Variants in PKIB observed in about 807,000 individuals in gnomAD.
PKIB encodes PKI-beta.
In PKIB, 2 loss-of-function variants were observed where a neutral mutation model predicts 4.5. The ratio of observed to expected loss-of-function variants is 0.44; its 90% CI spans 0.18 to 1.39. The LOEUF (loss-of-function observed/expected upper bound fraction) is 1.39, where lower values mean the gene tolerates loss of function less well. Ranked by LOEUF, PKIB falls within the 40% of genes most tolerant of loss-of-function variation. PKIB has a pLI of 0.27. For missense variants in PKIB, 94 were observed against 92.6 expected (o/e 1.02, Z -0.06); for synonymous variants, 38 against 36.0 (o/e 1.06, Z -0.20).
intron 2 of PKIB, among the ~76,000 whole-genome samples, chr6:122,662,717 T>G (rs1777059760): frequency 6.6e-6 from 1 of 152,166 alleles, no homozygotes; most frequent in South Asian, 2.1e-4. Flanking sequence ...GTAATAACAT[T>G]TCTAACAACT....
Position 122,497,217 on chromosome 6 carries a change from T to G in PKIB, c.-248+19278T>G, listed in dbSNP as rs148589704. ...CCTCTAGACCAGCCTTACAAAAGATTATTCAGGAAGTTTAAACATGGAAAC... is the reference window on the plus strand; with the variant it reads ...CCTCTAGACCAGCCTTACAAAAGATGATTCAGGAAGTTTAAACATGGAAAC... On this transcript the variant is annotated intron_variant, in intron 2 of 6. Coordinates refer to the PKIB transcript ENST00000392491. Among the ~76,000 whole-genome samples the G allele has an allele frequency of 1.0e-3, 152 of 152,264 alleles. 2 individuals carry two copies. The highest frequency in any genetic ancestry group is 2.2e-4 in the Non-Finnish European group (15 of 68,024).
chr6:122,488,530 C>T (rs540874760), intron 2 of PKIB, among the ~76,000 whole-genome samples: 12 of 152,150 alleles, frequency 7.9e-5, no homozygotes, highest in African/African-American at 2.6e-4. Context: ...TCCCTGGACT[C>T]GGGTGATTCT....
At chr6:122,638,507 C>G (rs764598371) in intron 2 of PKIB, among the ~76,000 whole-genome samples, 104 of 152,208 alleles carry the variant, frequency 6.8e-4, no homozygotes, top group Non-Finnish European at 8.7e-4. Context: ...AGCACTCACT[C>G]TGCTTCATGT....
chr6:122,670,378 C>T (rs573606240), intron 2 of PKIB, among the ~76,000 whole-genome samples: 66 of 152,222 alleles, frequency 4.3e-4, no homozygotes, highest in Middle Eastern at 3.4e-3. Flanking sequence ...TAGTCTGCAC[C>T]CTTTGGTGGG....
chr6:122,523,585 C>T (rs1216987784), intron 2 of PKIB, among the ~76,000 whole-genome samples: 2 of 152,012 alleles, frequency 1.3e-5, no homozygotes, highest in African/African-American at 4.8e-5. Context: ...GAATTCAAGA[C>T]CAGCCTGGTC....
intron 2 of PKIB, among the ~76,000 whole-genome samples, chr6:122,645,764 G>A (rs932537499): frequency 2.0e-5 from 3 of 152,194 alleles, no homozygotes; most frequent in Non-Finnish European, 4.4e-5. Flanking sequence ...ACATCCTCAG[G>A]TTTGGGGGTT....
intron 3 of PKIB, among the ~76,000 whole-genome samples, chr6:122,715,841 G>A (rs767102516): frequency 1.3e-4 from 20 of 151,920 alleles, no homozygotes; most frequent in Non-Finnish European, 2.5e-4. Context: ...AATCCATTTC[G>A]TGTTGCTTTC....
At chr6:122,714,278 G>A (rs1779389757) in intron 3 of PKIB, among the ~76,000 whole-genome samples, 1 of 152,190 alleles carries the variant, frequency 6.6e-6, no homozygotes, top group African/African-American at 2.4e-5. Context: ...GTCAATATCA[G>A]TGGCAGACTG....
At chr6:122,653,834 T>C (rs1351824245) in intron 2 of PKIB, among the ~76,000 whole-genome samples, 1 of 152,064 alleles carries the variant, frequency 6.6e-6, no homozygotes, top group Non-Finnish European at 1.5e-5. Context: ...GGTGACGCAC[T>C]GTAGTCCCAA....
chr6:122,625,680 T>A (rs553724150), intron 1 of PKIB, among the ~76,000 whole-genome samples: 137 of 152,042 alleles, frequency 9.0e-4, no homozygotes, highest in Middle Eastern at 3.4e-3. Context: ...TAACTTTTTT[T>A]AAAAAGCTAT....
chr6:122,671,227 G>T (rs970096845), intron 2 of PKIB, among the ~76,000 whole-genome samples: 6 of 151,766 alleles, frequency 4.0e-5, no homozygotes, highest in South Asian at 2.1e-4. Flanking sequence ...AGGAGGCGGA[G>T]GTTGCAGTGA....
intron 2 of PKIB, among the ~76,000 whole-genome samples, chr6:122,673,558 G>A (rs1055760475): frequency 9.9e-5 from 15 of 152,152 alleles, no homozygotes; most frequent in African/African-American, 3.6e-4. Context: ...AAGAGTGAGA[G>A]GAAGAGCAAA....
At chr6:122,675,523 G>C (rs1777636408) in intron 3 of PKIB, among the ~76,000 whole-genome samples, 1 of 152,148 alleles carries the variant, frequency 6.6e-6, no homozygotes, top group African/African-American at 2.4e-5. Flanking sequence ...GGAAAGGGAA[G>C]AAATAGTATT....
At chr6:122,545,783 C>T (rs1772474433) in intron 2 of PKIB, among the ~76,000 whole-genome samples, 1 of 150,598 alleles carries the variant, frequency 6.6e-6, no homozygotes, top group African/African-American at 2.4e-5. Flanking sequence ...ATCCCTTGAA[C>T]CTAAAATAAA....
chr6:122,663,094 G>T (rs1012176385), intron 2 of PKIB, among the ~76,000 whole-genome samples: 1 of 152,108 alleles, frequency 6.6e-6, no homozygotes, highest in South Asian at 2.1e-4. Flanking sequence ...TCTGGGCATG[G>T]GTAATTGTGG....
intron 2 of PKIB, among the ~76,000 whole-genome samples, chr6:122,529,937 A>C (rs1482021584): frequency 2.0e-5 from 3 of 151,958 alleles, no homozygotes; most frequent in African/African-American, 4.8e-5. Context: ...CATTGGTTGG[A>C]GTTTTTTCAG....
chr6:122,515,567 A>G (rs1401440080), intron 2 of PKIB, among the ~76,000 whole-genome samples: 1 of 152,224 alleles, frequency 6.6e-6, no homozygotes, highest in East Asian at 1.9e-4. Flanking sequence ...GAGATCCTTG[A>G]GAAATTACTT....
intron 3 of PKIB, among the ~76,000 whole-genome samples, chr6:122,716,798 T>C (rs543064862): frequency 6.6e-6 from 1 of 152,280 alleles, no homozygotes; most frequent in African/African-American, 2.4e-5. Flanking sequence ...CAAATGAGCA[T>C]CTCCATCCTT....
At chr6:122,673,588 T>A (rs1777549512) in intron 2 of PKIB, among the ~76,000 whole-genome samples, 1 of 152,028 alleles carries the variant, frequency 6.6e-6, no homozygotes, top group African/African-American at 2.4e-5. Context: ...AGAAACTGAG[T>A]ATGGGAACAA....
Sources: allele counts gnomAD v4.1 joint callset (sites outside exome capture counted in the v4.1 genomes callset), GRCh38; gene constraint gnomAD v4.1.1; transcripts MANE v1.5; gene names NCBI Gene and HGNC (gene_info 2026-07-23, HGNC 2026-07-21).